The following ANG variants were observed in gnomAD, a reference collection of about 807,000 sequenced individuals.
The protein encoded by ANG is Homo sapiens epididymis luminal protein 168.
For synonymous variants in ANG, 74 were observed against 73.8 expected, an observed-to-expected ratio of 1.00 and a Z score of -0.02; for missense variants, 178 against 187.4, an observed-to-expected ratio of 0.95 and a Z score of 0.29.
upstream of ANG, among the ~76,000 whole-genome samples, chr14:20,686,159 A>G (rs1359587481): frequency 2.0e-5 from 3 of 152,190 alleles, no homozygotes; most frequent in African/African-American, 7.2e-5. Context: ...CTTCTTTAAT[A>G]TGAGGGGTGG....
At chr14:20,685,955 T>G (rs2319383), upstream of ANG, among the ~76,000 whole-genome samples, 65,291 of 151,138 alleles carry the variant, frequency 0.43, 14,117 homozygotes, top group Middle Eastern at 0.52. Flanking sequence ...CAGGAGACTC[T>G]CTTGAACCTG....
chr14:20,685,939 C>G (rs1886403179), upstream of ANG, among the ~76,000 whole-genome samples: 1 of 151,498 alleles, frequency 6.6e-6, no homozygotes, highest in African/African-American at 2.4e-5. Flanking sequence ...ACTCGGGAGG[C>G]TGAGACAGGA....
At chr14:20,685,858 G>C (rs1426013392), upstream of ANG, among the ~76,000 whole-genome samples, 1 of 151,970 alleles carries the variant, frequency 6.6e-6, no homozygotes, top group Admixed American at 6.6e-5. Context: ...TGGCCAAGAT[G>C]GTGAAACCTC....
At position 20,693,049 on chromosome 14, in the gene ANG, G is replaced by A. The variant is rs1004168646; in HGVS notation, c.-18-498G>A. Among the ~76,000 whole-genome samples, 8 of 151,464 alleles carry A rather than the reference G, an allele frequency of 5.3e-5. No homozygotes were observed. In the East Asian group the frequency reaches 9.7e-4, roughly 18 times the overall value. On this transcript the variant is annotated intron_variant, in intron 1 of 1. Transcript: ENST00000397990. ...TTTTTAGTAGAGACGGGGTTTCACC[G>A]TGGTAGCCAGGATGGTCTCGATCTC...
chr14:20,685,559 AC>A (rs1886383960), upstream of ANG, among the ~76,000 whole-genome samples: 1 of 152,234 alleles, frequency 6.6e-6, no homozygotes, highest in Non-Finnish European at 1.5e-5. Flanking sequence ...AGAGCCACTA[AC>A]AAGTTTTGCA....
At chr14:20,691,634 A>C (rs542003324) in intron 1 of ANG, among the ~76,000 whole-genome samples, 2 of 152,356 alleles carry the variant, frequency 1.3e-5, no homozygotes, top group Middle Eastern at 6.8e-3. Context: ...TAGAGATAGC[A>C]ACTCTCTCAA....
chr14:20,684,302 A>C (rs1312514196), upstream of ANG: 1 of 152,222 alleles, frequency 6.6e-6, no homozygotes, highest in Non-Finnish European at 1.5e-5. Flanking sequence ...CCGCCTGGCA[A>C]TTGGGAGCAG....
At chr14:20,690,240 A>G (rs1006150674) in intron 1 of ANG, among the ~76,000 whole-genome samples, 6 of 149,026 alleles carry the variant, frequency 4.0e-5, no homozygotes, top group South Asian at 2.1e-4. Context: ...AAAAAAAAAA[A>G]AAAAAAAAGA....
intron 1 of ANG, among the ~76,000 whole-genome samples, chr14:20,689,997 T>C (rs1190942435): frequency 7.0e-6 from 1 of 143,310 alleles, no homozygotes; most frequent in Admixed American, 7.0e-5. Flanking sequence ...GGGTGGATCA[T>C]GAGGTCAGGA....
intron 1 of ANG, among the ~76,000 whole-genome samples, chr14:20,690,093 T>TAGTCCC (rs1326576881): frequency 1.4e-5 from 2 of 147,250 alleles, no homozygotes; most frequent in African/African-American, 2.5e-5. Flanking sequence ...CGGGCGCCTG[T>TAGTCCC]AGTCCCAGCT....
rs754593656 is a variant in ANG at position 20,693,711 on chromosome 14, C to G, written c.147C>G (p.Tyr49Ter). 1 of 1,614,188 alleles carries G rather than the reference C, an allele frequency of 6.2e-7. No individual in the cohort carries two copies. The highest frequency in any genetic ancestry group is 1.7e-5 in the Admixed American group (1 of 60,032). The stretch of plus-strand genomic sequence containing the variant: ...AACCACAGGGCCGGGATGACAGATA[C>G]TGTGAAAGCATCATGAGGAGACGGG... ...DAKPQGRDDR[Y>*]CESIMRRRGL... The change falls in exon 2 of 2, where the codon TAC becomes TAG. Residue 49 changes from tyrosine (Y) to a stop codon, truncating the protein, a stop_gained. Transcript: ENST00000397990. LOFTEE classifies it low-confidence loss of function (END_TRUNC).
intron 1 of ANG, among the ~76,000 whole-genome samples, chr14:20,693,293 TACTC>T (rs549574261): frequency 4.4e-4 from 67 of 152,306 alleles, no homozygotes; most frequent in South Asian, 1.4e-3. Flanking sequence ...GATAGAGAAA[TACTC>T]AGTGATTCTA....
intron 1 of ANG, 200 bp from the exon 2 acceptor site, chr14:20,693,347 A>T (rs1377725436): frequency 1.5e-6 from 1 of 662,204 alleles, no homozygotes. Flanking sequence ...GGTTGTGCTC[A>T]GGAAACTATT....
rs1886954701 is a variant in ANG at position 20,693,864 on chromosome 14, C to G, written c.300C>G (p.Phe100Leu). ...RENLRISKSS[F>L]QVTTCKLHGG... ...ACCTAAGAATAAGCAAGTCTTCTTT[C>G]CAGGTCACCACTTGCAAGCTACATG... Residue 100 changes from phenylalanine (F) to leucine (L), a missense_variant, in exon 2 of 2, where the codon TTC (phenylalanine) becomes TTG (leucine). By Grantham distance (22) the Phe-to-Leu change is conservative (BLOSUM62 0). Transcript: ENST00000397990. 6.2e-7 allele frequency: 1 copy of G among 1,614,092 alleles called. No homozygotes were observed. Among genetic ancestry groups the G allele is most frequent in the African/African-American group, 1.3e-5 (1 of 74,922 alleles).
At chr14:20,688,712 C>T (rs1192346743), upstream of ANG, 7 of 985,196 alleles carry the variant, frequency 7.1e-6, no homozygotes, top group Non-Finnish European at 7.2e-6. Context: ...GTTTTCATGT[C>T]CCTGCCAGGA....
chr14:20,693,261 T>C (rs990682480), intron 1 of ANG, among the ~76,000 whole-genome samples: 1 of 152,114 alleles, frequency 6.6e-6, no homozygotes, highest in African/African-American at 2.4e-5. Flanking sequence ...AGAGTGAGAG[T>C]GGATTTTGTA....
At chr14:20,685,542 T>G (rs1039636153), upstream of ANG, among the ~76,000 whole-genome samples, 1 of 152,212 alleles carries the variant, frequency 6.6e-6, no homozygotes, top group Non-Finnish European at 1.5e-5. Context: ...AAGACTTACT[T>G]AACCACAGAG....
At chr14:20,691,869 T>C (rs963617491) in intron 1 of ANG, among the ~76,000 whole-genome samples, 2 of 152,214 alleles carry the variant, frequency 1.3e-5, no homozygotes, top group African/African-American at 4.8e-5. Context: ...CCATAGAACA[T>C]TGGGGTCCTG....
intron 1 of ANG, among the ~76,000 whole-genome samples, chr14:20,693,208 C>T (rs1487570167): frequency 6.6e-6 from 1 of 152,142 alleles, no homozygotes; most frequent in African/African-American, 2.4e-5. Flanking sequence ...CCAGTAGAGA[C>T]CTATGTAATG....
Sources: gnomAD v4.1 joint callset for allele counts (sites outside exome capture counted in the v4.1 genomes callset) on GRCh38, gnomAD v4.1.1 for gene constraint, MANE v1.5 for transcripts, NCBI Gene and HGNC (gene_info 2026-07-23, HGNC 2026-07-21) for gene names.